The following PLEKHG4B variants were observed in gnomAD, a reference collection of about 807,000 sequenced individuals.
PLEKHG4B encodes pleckstrin homology domain-containing family G member 4B.
Under a neutral mutation model 121.3 loss-of-function variants are expected in PLEKHG4B, and 111 were observed. The observed-to-expected ratio is 0.92, with a 90% CI of 0.78 to 1.07. The LOEUF (loss-of-function observed/expected upper bound fraction) is 1.07, where lower values mean the gene tolerates loss of function less well. Ranked by LOEUF, PLEKHG4B falls within the 50% of genes least tolerant of loss-of-function variation. The pLI, the probability that PLEKHG4B is intolerant of heterozygous loss-of-function variation, is 0.00. For missense variants in PLEKHG4B, 1,831 were observed against 1,757.8 expected (o/e 1.04, Z -0.74); for synonymous variants, 738 against 725.0 (o/e 1.02, Z -0.29).
chr5:158,129 C>G (rs961421358), intron 11 of PLEKHG4B, among the ~76,000 whole-genome samples: 7 of 152,136 alleles, frequency 4.6e-5, no homozygotes, highest in African/African-American at 1.7e-4. Flanking sequence ...CCAGTCTGTG[C>G]CCTCTGTCCT....
Position 156,246 on chromosome 5 carries a change from C to T in PLEKHG4B, c.2348+36C>T. The T allele has an allele frequency of 7.1e-7, 1 of 1,412,148 alleles. No individual in the cohort carries two copies. Among genetic ancestry groups the T allele is most frequent in the South Asian group, 1.7e-5 (1 of 57,632 alleles). 87.5% of individuals were successfully genotyped at this position (1,412,148 alleles called of 1,614,324 possible). ...ACAGGGGTCATGCTGGGCCCTGGCC[C>T]ATCGAGGGAGCTGCTCGGGGGAGTT... On this transcript the variant is annotated intron_variant, in intron 10 of 19. Coordinates refer to ENST00000637938, the MANE Select transcript of PLEKHG4B (RefSeq NM_052909.5). The surrounding 1 kb of genome is among the most constrained non-coding windows in gnomAD (Gnocchi z 4.4).
rs754408458 is a variant in PLEKHG4B at position 171,293 on chromosome 5, C to T, written c.3899C>T (p.Ala1300Val). ...CCCGTGCAGCGTGTGGCCAAGTACG[C>T]GCTGCTACTCCAGGACCTGCTCAAG... ...LRPVQRVAKYALLLQDLLKEA... is the reference protein window; with the variant it reads ...LRPVQRVAKYVLLLQDLLKEA... The change falls in exon 16 of 20, where the codon GCG (alanine) becomes GTG (valine). Residue 1300 changes from alanine (A) to valine (V), a missense_variant. Ala to Val is a moderately conservative substitution (Grantham distance 64). Transcript: ENST00000637938. The T allele has an allele frequency of 3.4e-5, 55 of 1,612,154 alleles. No homozygotes were observed. The highest frequency in any genetic ancestry group is 1.6e-4 in the Middle Eastern group (1 of 6,078).
chr5:117,545 T>C (rs532604679), intron 2 of PLEKHG4B, among the ~76,000 whole-genome samples: 249 of 152,284 alleles, frequency 1.6e-3, no homozygotes, highest in African/African-American at 5.8e-3. Flanking sequence ...TATCCAGAAA[T>C]GTGTCTGGAG....
At chr5:114,344 C>T (rs1734243774) in intron 2 of PLEKHG4B, among the ~76,000 whole-genome samples, 3 of 152,216 alleles carry the variant, frequency 2.0e-5, no homozygotes, top group South Asian at 2.1e-4. Flanking sequence ...GAATTGGAGT[C>T]GATCCTCTCA....
intron 2 of PLEKHG4B, among the ~76,000 whole-genome samples, chr5:130,211 GA>G (rs1734738784): frequency 6.6e-6 from 1 of 152,042 alleles, no homozygotes; most frequent in Non-Finnish European, 1.5e-5. Context: ...AACATCAGCA[GA>G]AAAAACACAC....
chr5:154,914 G>C lies in PLEKHG4B; in HGVS notation c.2032G>C (p.Val678Leu). Residue 678 changes from valine (V) to leucine (L), a missense_variant, in exon 8 of 20, where the codon GTT becomes CTT. By Grantham distance (32) the Val-to-Leu change is conservative. Coordinates refer to ENST00000637938, the MANE Select transcript of PLEKHG4B (RefSeq NM_052909.5). ...VSSLKAVHKFVDSCQLTADLD... is the reference protein window; with the variant it reads ...VSSLKAVHKFLDSCQLTADLD... ...CTCCCTGAAGGCCGTGCACAAATTT[G>C]TTGACAGCTGCCAGCTGACCGCAGA... 2 of 1,613,902 alleles carry C rather than the reference G, an allele frequency of 1.2e-6. No homozygotes were observed. Among genetic ancestry groups the C allele is most frequent in the Non-Finnish European group, 1.7e-6 (2 of 1,180,024 alleles).
chr5:113,736 A>G lies in PLEKHG4B; in HGVS notation c.243+288A>G, dbSNP rs1734224843. Among the ~76,000 whole-genome samples, 1 of 152,228 alleles carries G rather than the reference A, an allele frequency of 6.6e-6. No homozygotes were observed. Among genetic ancestry groups the G allele is most frequent in the African/African-American group, 2.4e-5 (1 of 41,448 alleles). On this transcript the variant is annotated intron_variant, in intron 2 of 19. Transcript: ENST00000637938. This position sits in a 1 kb window ranked among gnomAD's most constrained non-coding sequence, Gnocchi z 5.2. ...AAATAAGTCATTCTTCAGAGCAGGT[A>G]TCTCAGAACTAAGTTACTACAGCAG... is the stretch of plus-strand genomic sequence containing the variant.
chr5:157,107 T>C lies in PLEKHG4B; in HGVS notation c.2487+196T>C. 6 of 803,012 alleles carry C rather than the reference T, an allele frequency of 7.5e-6. No individual in the cohort carries two copies. Among genetic ancestry groups the C allele is most frequent in the Non-Finnish European group, 1.2e-5 (6 of 517,154 alleles). 49.7% of individuals were successfully genotyped at this position (803,012 alleles called of 1,614,324 possible). ...ATTTTATTTTTTACGTGAGAGATAC[T>C]GGATCAGTGGAGAAAAAAAATTTGT... On this transcript the variant is annotated intron_variant, in intron 11 of 19. Transcript: ENST00000637938. This position sits in a 1 kb window ranked among gnomAD's most constrained non-coding sequence, Gnocchi z 4.6.
intron 1 of PLEKHG4B, among the ~76,000 whole-genome samples, chr5:97,556 G>A (rs910160795): frequency 1.3e-5 from 2 of 152,200 alleles, no homozygotes; most frequent in Non-Finnish European, 2.9e-5. Flanking sequence ...AATATATAGG[G>A]TTGTGTGTCT....
chr5:145,537 T>C (rs1248473073), intron 6 of PLEKHG4B, among the ~76,000 whole-genome samples: 1 of 152,198 alleles, frequency 6.6e-6, no homozygotes, highest in Admixed American at 6.5e-5. Flanking sequence ...ATTTTTTGTA[T>C]GTTTACTAGA....
chr5:135,187 CAAAAAAAAAAAAA>C, intron 2 of PLEKHG4B, among the ~76,000 whole-genome samples: 1 of 48,780 alleles, frequency 2.1e-5, no homozygotes, highest in East Asian at 7.6e-4. Flanking sequence ...GACTCCAGCT[CAAAAAAAAAAAAA>C]AAAAAAAAAG....
intron 2 of PLEKHG4B, among the ~76,000 whole-genome samples, chr5:133,717 G>A (rs1032550682): frequency 1.3e-5 from 2 of 152,036 alleles, no homozygotes; most frequent in African/African-American, 4.8e-5. Flanking sequence ...GGAAAACAGC[G>A]TGGAGATTCC....
chr5:98,368 A>G (rs1409407118), intron 1 of PLEKHG4B, among the ~76,000 whole-genome samples: 3 of 148,132 alleles, frequency 2.0e-5, no homozygotes, highest in Non-Finnish European at 4.4e-5. Context: ...TCCAGACCTC[A>G]ATTCTATACC....
At chr5:164,466 T>TAATGC in intron 13 of PLEKHG4B, among the ~76,000 whole-genome samples, 1 of 111,580 alleles carries the variant, frequency 9.0e-6, no homozygotes, top group South Asian at 2.5e-4. Context: ...CACAGTAATG[T>TAATGC]TGTGACGGAG....
intron 19 of PLEKHG4B, 134 bp from the exon 20 acceptor site, chr5:181,870 C>T: frequency 2.3e-6 from 3 of 1,288,648 alleles, no homozygotes; most frequent in Non-Finnish European, 3.2e-6. Context: ...CAGTGGCCGA[C>T]ATGGTGGGTT....
intron 2 of PLEKHG4B, among the ~76,000 whole-genome samples, chr5:120,875 T>C (rs1314223613): frequency 6.6e-6 from 1 of 152,108 alleles, no homozygotes; most frequent in East Asian, 1.9e-4. Context: ...ATAATAAATA[T>C]ATTAAATAAC....
At chr5:123,370 A>C (rs912680999) in intron 2 of PLEKHG4B, among the ~76,000 whole-genome samples, 1 of 152,166 alleles carries the variant, frequency 6.6e-6, no homozygotes, top group Non-Finnish European at 1.5e-5. Flanking sequence ...CTTTTGTCTG[A>C]TATCTTGGTA....
intron 1 of PLEKHG4B, among the ~76,000 whole-genome samples, chr5:95,108 C>G (rs187377972): frequency 1.3e-5 from 2 of 152,198 alleles, no homozygotes; most frequent in Non-Finnish European, 2.9e-5. Context: ...CTTTTGAATT[C>G]TTTTTGATTG....
rs1733645683 is a variant in PLEKHG4B, at chr5:187,000, G to A, written c.*4677G>A. On this transcript the variant is annotated 3_prime_UTR_variant, in exon 20 of 20. Transcript: ENST00000637938. ...AGGTGGTTTCTAAACCAAGCCCTGGGAGGAGCCATCCTGGGACTGTGCTTG... is the reference window on the plus strand; with the variant it reads ...AGGTGGTTTCTAAACCAAGCCCTGGAAGGAGCCATCCTGGGACTGTGCTTG... 2.0e-5 allele frequency: 3 copies of A among 152,364 alleles called. No individual in the cohort carries two copies. The highest frequency in any genetic ancestry group is 7.2e-5 in the African/African-American group (3 of 41,462). The allele number at this position is 152,364 out of a possible 1,614,324, so 9.4% of individuals were successfully genotyped here. A position where few individuals can be genotyped will look rare whatever the true frequency, so the allele number is the denominator to read the frequency against.
Sources: allele counts gnomAD v4.1 joint callset (sites outside exome capture counted in the v4.1 genomes callset), GRCh38; gene constraint gnomAD v4.1.1; non-coding constraint Gnocchi (gnomAD v3.1); transcripts MANE v1.5; gene names NCBI Gene and HGNC (gene_info 2026-07-23, HGNC 2026-07-21).